The following CNTN4 variants were observed in gnomAD, a reference collection of about 807,000 sequenced individuals.
CNTN4 encodes contactin-4.
A neutral mutation model predicts 122.5 loss-of-function variants in CNTN4; 77 were observed. That is an observed-to-expected ratio of 0.63 (90% confidence interval 0.52 to 0.76). The LOEUF (loss-of-function observed/expected upper bound fraction) is 0.76. Ranked by LOEUF, CNTN4 falls within the 30% of genes least tolerant of loss-of-function variation. CNTN4 has a pLI of 0.00. For missense variants in CNTN4, 1,256 were observed against 1,259.1 expected (o/e 1.00, Z 0.04); for synonymous variants, 512 against 447.0 (o/e 1.15, Z -1.83).
chr3:2,392,618 C>T (rs1477686904), intron 3 of CNTN4, among the ~76,000 whole-genome samples: 1 of 152,140 alleles, frequency 6.6e-6, no homozygotes, highest in African/African-American at 2.4e-5. Flanking sequence ...ATATCCACCT[C>T]CTCAGATATT....
chr3:2,879,221 A>T (rs1388639876), intron 8 of CNTN4, among the ~76,000 whole-genome samples: 1 of 152,188 alleles, frequency 6.6e-6, no homozygotes, highest in Non-Finnish European at 1.5e-5. Flanking sequence ...ATGTCACGTG[A>T]CAACCGAGGC....
rs2077090663 is a variant in CNTN4, at chr3:2,518,125, A to T, written c.-88-53291A>T. On this transcript the variant is annotated intron_variant, in intron 3 of 24. Transcript: ENST00000418658. ...AGTACCTTTTGTGGCATGTGAGTAC[A>T]TTTAAGAGATGTGAAAGGCTTTAAA... is the stretch of plus-strand genomic sequence containing the variant. Among the ~76,000 whole-genome samples the T allele has an allele frequency of 1.4e-5, 2 of 145,156 alleles. 1 individual carries two copies. The highest frequency in any genetic ancestry group is 4.2e-4 in the South Asian group (2 of 4,708).
chr3:3,011,837 G>A (rs921464740), intron 14 of CNTN4, among the ~76,000 whole-genome samples: 6 of 152,074 alleles, frequency 3.9e-5, no homozygotes, highest in African/African-American at 1.4e-4. Context: ...TTCCTCTGAA[G>A]CTTCCTGCAC....
At chr3:2,425,025 G>C (rs1227047360) in intron 3 of CNTN4, among the ~76,000 whole-genome samples, 2 of 152,134 alleles carry the variant, frequency 1.3e-5, no homozygotes, top group Non-Finnish European at 2.9e-5. Flanking sequence ...TAGGTTGCCT[G>C]TTCACTCTGA....
chr3:2,752,875 C>T (rs1026483900), intron 6 of CNTN4, among the ~76,000 whole-genome samples: 10 of 152,126 alleles, frequency 6.6e-5, no homozygotes, highest in African/African-American at 2.2e-4. Flanking sequence ...ATGTGGCATT[C>T]GTCTTTCTTT....
Position 2,988,374 on chromosome 3 carries a change from G to C in CNTN4, c.1388G>C (p.Arg463Thr), listed in dbSNP as rs1264846956. ...RITISEDGNL[R>T]IINVTKSDAG... ...ACCATTTCTGAAGATGGAAACCTCA[G>C]AATCATCAACGTTACTAAATCAGAC... Residue 463 changes from arginine to threonine, a missense_variant, in exon 14 of 25, where the codon AGA (arginine) becomes ACA (threonine). Transcript: ENST00000418658. 3.1e-6 allele frequency: 5 copies of C among 1,613,702 alleles called. No individual in the cohort carries two copies. Among genetic ancestry groups the C allele is most frequent in the Non-Finnish European group, 4.2e-6 (5 of 1,179,754 alleles).
intron 4 of CNTN4, among the ~76,000 whole-genome samples, chr3:2,668,522 A>T (rs1009549198): frequency 6.6e-6 from 1 of 152,216 alleles, no homozygotes; most frequent in Non-Finnish European, 1.5e-5. Flanking sequence ...TAGATATACA[A>T]TCAGGTCATC....
At chr3:2,586,200 C>A (rs1443705147) in intron 4 of CNTN4, among the ~76,000 whole-genome samples, 4 of 152,150 alleles carry the variant, frequency 2.6e-5, no homozygotes, top group African/African-American at 9.7e-5. Context: ...CCTACTTTGT[C>A]CTAGTCAACC....
chr3:2,487,004 T>G (rs893762469), intron 3 of CNTN4, among the ~76,000 whole-genome samples: 8 of 152,150 alleles, frequency 5.3e-5, no homozygotes, highest in African/African-American at 1.7e-4. Context: ...ACATAGAAAT[T>G]TATAGCCTAG....
intron 2 of CNTN4, among the ~76,000 whole-genome samples, chr3:2,233,694 T>G (rs1301077220): frequency 6.6e-6 from 1 of 152,104 alleles, no homozygotes; most frequent in African/African-American, 2.4e-5. Flanking sequence ...TATAATAGAA[T>G]CATCCTAGAT....
intron 3 of CNTN4, among the ~76,000 whole-genome samples, chr3:2,414,656 A>C (rs1356539791): frequency 6.6e-6 from 1 of 152,154 alleles, no homozygotes; most frequent in Non-Finnish European, 1.5e-5. Flanking sequence ...CTGTAGAAAA[A>C]TCAAAATTTT....
intron 4 of CNTN4, among the ~76,000 whole-genome samples, chr3:2,602,232 G>A (rs1247322663): frequency 6.6e-6 from 1 of 152,184 alleles, no homozygotes; most frequent in East Asian, 1.9e-4. Flanking sequence ...AGGGTTGAAA[G>A]TTCTGGCCAG....
chr3:2,613,509 CTGTA>C (rs2081585945), intron 4 of CNTN4, among the ~76,000 whole-genome samples: 1 of 152,042 alleles, frequency 6.6e-6, no homozygotes, highest in Non-Finnish European at 1.5e-5. Context: ...CATTAATGTA[CTGTA>C]AAGCACTATT....
chr3:2,716,811 A>G (rs146359223), intron 4 of CNTN4, among the ~76,000 whole-genome samples: 6,027 of 152,184 alleles, frequency 0.04, 157 homozygotes, highest in Non-Finnish European at 0.058. Flanking sequence ...ACTGGGAACT[A>G]CTAGTCTGCT....
intron 6 of CNTN4, among the ~76,000 whole-genome samples, chr3:2,814,582 G>A (rs1267225727): frequency 1.3e-5 from 2 of 152,158 alleles, no homozygotes; most frequent in Non-Finnish European, 2.9e-5. Context: ...GTTGAAATGT[G>A]GATTTCTTTC....
chr3:2,599,686 G>A (rs555158900), intron 4 of CNTN4, among the ~76,000 whole-genome samples: 1 of 152,162 alleles, frequency 6.6e-6, no homozygotes, highest in East Asian at 1.9e-4. Context: ...GTTTGTAATG[G>A]CAGAGAATCC....
intron 13 of CNTN4, among the ~76,000 whole-genome samples, chr3:2,931,414 A>G (rs1272754185): frequency 6.6e-6 from 1 of 152,176 alleles, no homozygotes; most frequent in African/African-American, 2.4e-5. Flanking sequence ...GAGAGGGGGC[A>G]AATAAAGAGG....
intron 3 of CNTN4, among the ~76,000 whole-genome samples, chr3:2,507,081 T>G (rs1220386995): frequency 6.6e-6 from 1 of 152,142 alleles, no homozygotes; most frequent in Non-Finnish European, 1.5e-5. Flanking sequence ...GGCAAAACAG[T>G]TTAGTACAGC....
rs1271636322 is a variant in CNTN4, at chr3:2,282,079, C to T, written c.-144-57099C>T. ...TTTTCCTACACATTCCAGTTTATTA[C>T]TATGTGGAAGCTGATAATATTTATA... is the stretch of plus-strand genomic sequence containing the variant. On this transcript the variant is annotated intron_variant, in intron 2 of 24. Coordinates refer to ENST00000418658, the MANE Select transcript of CNTN4 (RefSeq NM_175607.3). Among the ~76,000 whole-genome samples, 3 of 152,080 alleles carry T rather than the reference C, an allele frequency of 2.0e-5. No homozygotes were observed. The East Asian group carries it at 5.8e-4, about 29-fold the overall frequency.
Sources: gnomAD v4.1 joint callset for allele counts (sites outside exome capture counted in the v4.1 genomes callset) on GRCh38, gnomAD v4.1.1 for gene constraint, MANE v1.5 for transcripts, NCBI Gene and HGNC (gene_info 2026-07-23, HGNC 2026-07-21) for gene names.